Variants in RBFOX1 observed in about 807,000 individuals in gnomAD.
The protein encoded by RBFOX1 is RNA binding fox-1 homolog 1.
In RBFOX1, 8 loss-of-function variants were observed where a neutral mutation model predicts 57.7. The ratio of observed to expected loss-of-function variants is 0.14; its 90% CI spans 0.08 to 0.25. The LOEUF (loss-of-function observed/expected upper bound fraction) is 0.25, where lower values mean the gene tolerates loss of function less well. Ranked by LOEUF, RBFOX1 falls within the 10% of genes least tolerant of loss-of-function variation. The pLI, the probability that RBFOX1 is intolerant of heterozygous loss-of-function variation, is 1.00. For synonymous variants in RBFOX1, 326 were observed against 222.4 expected, an observed-to-expected ratio of 1.47 and a Z score of -4.15; for missense variants, 611 against 548.5, an observed-to-expected ratio of 1.11 and a Z score of -1.14.
At chr16:6,861,565 C>G (rs370949476) in intron 3 of RBFOX1, among the ~76,000 whole-genome samples, 3 of 142,306 alleles carry the variant, frequency 2.1e-5, no homozygotes, top group African/African-American at 5.0e-5. Flanking sequence ...GTGTTAGCAT[C>G]TTAGGCTCTC....
At chr16:6,949,346 C>G (rs12103096) in intron 3 of RBFOX1, among the ~76,000 whole-genome samples, 22,067 of 152,202 alleles carry the variant, frequency 0.14, 1,946 homozygotes, top group Non-Finnish European at 0.19. Context: ...TTGTTCCTTC[C>G]CTTCAGTGAA....
intron 4 of RBFOX1, among the ~76,000 whole-genome samples, chr16:7,119,294 C>A (rs1256508086): frequency 6.6e-6 from 1 of 152,078 alleles, no homozygotes; most frequent in African/African-American, 2.4e-5. Context: ...GACCAACTAT[C>A]CTCAGGTTTC....
chr16:7,448,457 G>A (rs781760723), intron 4 of RBFOX1, among the ~76,000 whole-genome samples: 6 of 152,208 alleles, frequency 3.9e-5, no homozygotes, highest in African/African-American at 7.2e-5. Flanking sequence ...AGGCAAGAGA[G>A]TGTATGCAGG....
intron 1 of RBFOX1, among the ~76,000 whole-genome samples, chr16:5,360,800 A>T (rs1054154951): frequency 6.6e-6 from 1 of 152,208 alleles, no homozygotes; most frequent in Non-Finnish European, 1.5e-5. Context: ...ATGAAATCGT[A>T]CAAAAATTTC....
intron 4 of RBFOX1, among the ~76,000 whole-genome samples, chr16:5,981,443 T>C (rs1334515228): frequency 6.6e-6 from 1 of 152,208 alleles, no homozygotes; most frequent in African/African-American, 2.4e-5. Context: ...ATTATTTCTT[T>C]CCTTCTGAAG....
intron 3 of RBFOX1, among the ~76,000 whole-genome samples, chr16:5,788,933 T>TA (rs1231772109): frequency 6.6e-6 from 1 of 152,162 alleles, no homozygotes; most frequent in East Asian, 1.9e-4. Flanking sequence ...CTCAGGAAGA[T>TA]AGAAGCCTCT....
intron 3 of RBFOX1, chr16:5,838,674 G>C (rs1433463896): frequency 6.5e-6 from 1 of 152,708 alleles, no homozygotes; most frequent in African/African-American, 2.4e-5. Flanking sequence ...TCTCTCTCTA[G>C]ACCTCTGTTT....
intron 5 of RBFOX1, 70 bp from the exon 6 acceptor site, chr16:7,579,707 A>G: frequency 6.3e-7 from 1 of 1,585,260 alleles, no homozygotes; most frequent in Non-Finnish European, 8.6e-7. Flanking sequence ...ACTCATGGCA[A>G]GCAAAAGAGC....
At chr16:7,579,623 T>G (rs2152834630) in intron 5 of RBFOX1, among the ~76,000 whole-genome samples, 154 bp from the exon 6 acceptor site, 1 of 152,342 alleles carries the variant, frequency 6.6e-6, no homozygotes, top group African/African-American at 2.4e-5. Flanking sequence ...AAACACTTGC[T>G]GAATGAATGC....
At chr16:7,117,143 A>G (rs2066085347) in intron 4 of RBFOX1, among the ~76,000 whole-genome samples, 1 of 152,260 alleles carries the variant, frequency 6.6e-6, no homozygotes, top group South Asian at 2.1e-4. Context: ...AAAAGATAGT[A>G]AAGTGAGGGC....
At chr16:5,965,670 G>C (rs1041728559) in intron 4 of RBFOX1, among the ~76,000 whole-genome samples, 2 of 152,188 alleles carry the variant, frequency 1.3e-5, no homozygotes, top group Non-Finnish European at 2.9e-5. Flanking sequence ...TTGATACTCA[G>C]ATCACTGCGT....
chr16:6,052,646 C>T (rs896731670), intron 1 of RBFOX1, among the ~76,000 whole-genome samples: 14 of 151,784 alleles, frequency 9.2e-5, no homozygotes, highest in South Asian at 2.1e-4. Context: ...TAGACTGGCG[C>T]GGTGGCGGGC....
chr16:6,500,876 GTTTTTTTTTT>G (rs1190261525), intron 2 of RBFOX1, among the ~76,000 whole-genome samples: 13 of 30,126 alleles, frequency 4.3e-4, no homozygotes, highest in Admixed American at 1.2e-3. Flanking sequence ...TTGGGGAGTA[GTTTTTTTTTT>G]TTTTTTTTTT....
intron 2 of RBFOX1, among the ~76,000 whole-genome samples, chr16:6,551,744 G>C (rs972745232): frequency 6.6e-6 from 1 of 152,172 alleles, no homozygotes; most frequent in Non-Finnish European, 1.5e-5. Flanking sequence ...TTGATAATAA[G>C]GCAGCAGTTG....
At chr16:6,712,651 T>C (rs62015888) in intron 3 of RBFOX1, among the ~76,000 whole-genome samples, 33,862 of 152,082 alleles carry the variant, frequency 0.22, 4,446 homozygotes, top group East Asian at 0.33. Flanking sequence ...TATCATGGCG[T>C]AGGCACTCTG....
At chr16:7,546,016 A>T (rs200825716) in intron 5 of RBFOX1, among the ~76,000 whole-genome samples, 14 of 135,236 alleles carry the variant, frequency 1.0e-4, no homozygotes, top group East Asian at 2.7e-4. Flanking sequence ...TGAGCTTATA[A>T]AAAAAAAAAA....
At chr16:6,804,394 A>C (rs1311932711) in intron 3 of RBFOX1, among the ~76,000 whole-genome samples, 1 of 152,138 alleles carries the variant, frequency 6.6e-6, no homozygotes, top group East Asian at 1.9e-4. Context: ...CTAATGCCCC[A>C]TCTAGCCCTG....
downstream of RBFOX1, among the ~76,000 whole-genome samples, chr16:5,604,792 GC>G (rs952456723): frequency 6.6e-6 from 1 of 151,972 alleles, no homozygotes; most frequent in African/African-American, 2.4e-5. Context: ...GGGCTCATGG[GC>G]CCCCCGGGAA....
intron 1 of RBFOX1, among the ~76,000 whole-genome samples, chr16:6,020,905 C>A (rs2095061166): frequency 6.6e-6 from 1 of 152,206 alleles, no homozygotes. Flanking sequence ...AGACCCCGAT[C>A]TAACCTTGTC....
Sources: gnomAD v4.1 joint callset for allele counts (sites outside exome capture counted in the v4.1 genomes callset) on GRCh38, gnomAD v4.1.1 for gene constraint, MANE v1.5 for transcripts, NCBI Gene and HGNC (gene_info 2026-07-23, HGNC 2026-07-21) for gene names.